Variants in ITGB6 observed in about 807,000 individuals in gnomAD.
The protein encoded by ITGB6 is integrin beta-6.
In ITGB6, 80 loss-of-function variants were observed where a neutral mutation model predicts 84.5. The observed-to-expected ratio is 0.95, with a 90% CI of 0.79 to 1.14. The LOEUF (loss-of-function observed/expected upper bound fraction) is 1.14. ITGB6 is among the 50% of genes most tolerant of loss of function. ITGB6 has a pLI of 0.00. For synonymous variants in ITGB6, 383 were observed against 354.9 expected (o/e 1.08, Z -0.89); for missense variants, 1,006 against 968.0 (o/e 1.04, Z -0.52).
intron 2 of ITGB6, among the ~76,000 whole-genome samples, chr2:160,196,822 C>T (rs940783128): frequency 6.6e-6 from 1 of 152,136 alleles, no homozygotes; most frequent in East Asian, 1.9e-4. Flanking sequence ...TCAGGGTGAC[C>T]TGTAGGTTTG....
intron 10 of ITGB6, among the ~76,000 whole-genome samples, chr2:160,135,827 G>A (rs962601591): frequency 6.6e-6 from 1 of 152,180 alleles, no homozygotes; most frequent in African/African-American, 2.4e-5. Flanking sequence ...TTAATAAATG[G>A]TGATGGGAAA....
intron 14 of ITGB6, 129 bp from the exon 15 acceptor site, chr2:160,101,963 T>G: frequency 1.6e-6 from 1 of 617,628 alleles, no homozygotes; most frequent in Admixed American, 3.1e-5. Context: ...TTTTGATTAA[T>G]TTGGCATTTC....
chr2:160,136,800 G>T lies in ITGB6; in HGVS notation c.1660+634C>A, dbSNP rs929323480. On this transcript the variant is annotated intron_variant, in intron 10 of 14. Coordinates refer to ENST00000283249, the MANE Select transcript of ITGB6 (RefSeq NM_000888.5). ...ATCATTCTCAGCAAACTATCACAAGGACAAAAAACCAAACACCACATGTTC... is the reference window on the plus strand; with the variant it reads ...ATCATTCTCAGCAAACTATCACAAGTACAAAAAACCAAACACCACATGTTC... Among the ~76,000 whole-genome samples the T allele has an allele frequency of 2.0e-5, 3 of 150,140 alleles. No homozygotes were observed. The South Asian group carries it at 6.3e-4, about 31-fold the overall frequency.
chr2:160,123,981 G>T, intron 11 of ITGB6, 93 bp from the exon 12 acceptor site: 2 of 840,382 alleles, frequency 2.4e-6, no homozygotes, highest in Non-Finnish European at 3.9e-6. Flanking sequence ...TGCAATTTGT[G>T]CTATAGGAGT....
chr2:160,172,971 C>T (rs1250821300), intron 5 of ITGB6, among the ~76,000 whole-genome samples: 2 of 152,160 alleles, frequency 1.3e-5, no homozygotes, highest in Non-Finnish European at 2.9e-5. Context: ...TATAGCTCCA[C>T]TACAATCGGT....
At chr2:160,141,372 C>A (rs1683993289) in intron 8 of ITGB6, among the ~76,000 whole-genome samples, 1 of 152,026 alleles carries the variant, frequency 6.6e-6, no homozygotes, top group Non-Finnish European at 1.5e-5. Flanking sequence ...GAGAACATAA[C>A]AACACCGTAG....
intron 7 of ITGB6, among the ~76,000 whole-genome samples, chr2:160,167,067 T>A (rs1436732486): frequency 2.0e-5 from 3 of 152,224 alleles, no homozygotes; most frequent in Non-Finnish European, 4.4e-5. Flanking sequence ...CTTCTGGAAT[T>A]TTCATGAAAT....
chr2:160,156,270 G>A (rs550611528), intron 7 of ITGB6, among the ~76,000 whole-genome samples: 11 of 152,258 alleles, frequency 7.2e-5, no homozygotes, highest in African/African-American at 2.6e-4. Flanking sequence ...GCCAAGGGAG[G>A]TGTAGACCCA....
At chr2:160,146,831 T>C (rs1684213580) in intron 7 of ITGB6, among the ~76,000 whole-genome samples, 1 of 152,170 alleles carries the variant, frequency 6.6e-6, no homozygotes. Context: ...GTAGGCTCAG[T>C]GGCTCATGCC....
chr2:160,138,312 G>A lies in ITGB6; in HGVS notation c.1108-113C>T, dbSNP rs1683854670. The A allele has an allele frequency of 8.8e-6, 9 of 1,026,824 alleles. No individual in the cohort carries two copies. The South Asian group carries it at 1.0e-4, about 11-fold the overall frequency. 63.6% of individuals were successfully genotyped at this position (1,026,824 alleles called of 1,614,324 possible). On this transcript the variant is annotated intron_variant, in intron 8 of 14. Transcript: ENST00000283249. ...ACAAATAAATAAAACTAAATTGGGT[G>A]TCTAAAGAAATTCAGTATATCATCA...
chr2:160,179,786 A>G lies in ITGB6; in HGVS notation c.594-5647T>C, dbSNP rs1685586495. Among the ~76,000 whole-genome samples the G allele has an allele frequency of 2.0e-5, 3 of 152,024 alleles. No individual in the cohort carries two copies. In the South Asian group the frequency reaches 6.2e-4, roughly 32 times the overall value. ...AAAACAAAACAAAAAACACCACAGT[A>G]TACATAAAATGATGTTTCAAAAATC... On this transcript the variant is annotated intron_variant, in intron 4 of 14. Coordinates refer to ENST00000283249, the MANE Select transcript of ITGB6 (RefSeq NM_000888.5).
intron 4 of ITGB6, among the ~76,000 whole-genome samples, chr2:160,174,919 C>T (rs1158691124): frequency 1.3e-5 from 2 of 152,210 alleles, no homozygotes; most frequent in Admixed American, 6.5e-5. Flanking sequence ...TCATGAGCAT[C>T]ACCCGGCAAA....
chr2:160,151,415 A>C (rs533942774), intron 7 of ITGB6, among the ~76,000 whole-genome samples: 4 of 152,330 alleles, frequency 2.6e-5, no homozygotes, highest in African/African-American at 9.6e-5. Flanking sequence ...AAGACACAAC[A>C]TACCAGAATC....
chr2:160,118,471 A>G (rs1364188510), intron 12 of ITGB6, among the ~76,000 whole-genome samples: 2 of 152,212 alleles, frequency 1.3e-5, no homozygotes, highest in Non-Finnish European at 2.9e-5. Context: ...ACAGTGCTTC[A>G]TGCTAAAAAC....
At chr2:160,197,827 G>A (rs779680295) in intron 2 of ITGB6, among the ~76,000 whole-genome samples, 3 of 152,214 alleles carry the variant, frequency 2.0e-5, no homozygotes, top group African/African-American at 7.2e-5. Context: ...AAGATCAGAG[G>A]TGGTGTTAAC....
chr2:160,123,676 GC>G (rs1219533066), intron 12 of ITGB6, 114 bp downstream of exon 12: 1 of 710,806 alleles, frequency 1.4e-6, no homozygotes, highest in Non-Finnish European at 2.5e-6. Flanking sequence ...GTGAGCTAAT[GC>G]CCTGGTACAA....
intron 12 of ITGB6, among the ~76,000 whole-genome samples, chr2:160,122,197 C>T (rs565701928): frequency 2.6e-4 from 40 of 151,566 alleles, no homozygotes; most frequent in African/African-American, 8.5e-4. Context: ...ATTGTATCTC[C>T]CTATTTTGAA....
At chr2:160,180,967 G>A (rs1298396386) in intron 4 of ITGB6, among the ~76,000 whole-genome samples, 1 of 152,156 alleles carries the variant, frequency 6.6e-6, no homozygotes, top group Non-Finnish European at 1.5e-5. Context: ...CAGATACTTC[G>A]CTTTTCCCAT....
chr2:160,122,455 T>C (rs1217904680), intron 12 of ITGB6, among the ~76,000 whole-genome samples: 3 of 152,196 alleles, frequency 2.0e-5, no homozygotes, highest in East Asian at 3.8e-4. Flanking sequence ...CAGAGCATTT[T>C]CTGCAATTTT....
Sources: gnomAD v4.1 joint callset for allele counts (sites outside exome capture counted in the v4.1 genomes callset) on GRCh38, gnomAD v4.1.1 for gene constraint, MANE v1.5 for transcripts, NCBI Gene and HGNC (gene_info 2026-07-23, HGNC 2026-07-21) for gene names.